The following DRC7 variants were observed in gnomAD, a reference collection of about 807,000 sequenced individuals.
DRC7 encodes dynein regulatory complex subunit 7.
Under a neutral mutation model 104.4 loss-of-function variants are expected in DRC7, and 80 were observed. The ratio of observed to expected loss-of-function variants is 0.77; its 90% confidence interval spans 0.64 to 0.92. DRC7 has a LOEUF of 0.92. Among genes scored for constraint, DRC7 ranks in the 40% least tolerant of loss-of-function variants. DRC7 has a pLI of 0.00. For synonymous variants in DRC7, 405 were observed against 447.3 expected, an observed-to-expected ratio of 0.91 and a Z score of 1.19; for missense variants, 1,034 against 1,141.1, an observed-to-expected ratio of 0.91 and a Z score of 1.35.
At chr16:57,721,516 T>A (rs2048902094) in intron 9 of DRC7, 151 bp from the exon 10 acceptor site, 1 of 629,132 alleles carries the variant, frequency 1.6e-6, no homozygotes, top group Admixed American at 2.8e-5. Context: ...CTTTTCCACA[T>A]CATGGGTCGT....
chr16:57,698,299 G>A, intron 3 of DRC7, 147 bp downstream of exon 3: 5 of 1,304,238 alleles, frequency 3.8e-6, no homozygotes, highest in Middle Eastern at 2.7e-4. Flanking sequence ...CTTTCAAATG[G>A]CCTGGGCCGA....
chr16:57,728,603 T>C lies in DRC7; in HGVS notation c.2391+19T>C, dbSNP rs2049001883. The C allele has an allele frequency of 5.8e-6, 9 of 1,552,130 alleles. No homozygotes were observed. The East Asian group carries it at 1.2e-4, about 20-fold the overall frequency. ...TGAGAAGGTGCCACCAGGGCCTTTG[T>C]TGGGGAGGGGGGGATCTCAGCATCT... On this transcript the variant is annotated intron_variant, in intron 17 of 18. Coordinates refer to ENST00000360716, the MANE Select transcript of DRC7 (RefSeq NM_001289162.2).
In DRC7 at chr16:57,727,168, T is replaced by C. The variant is rs116383752; in HGVS notation, c.2086-131T>C. On this transcript the variant is annotated intron_variant, in intron 15 of 18. Transcript: ENST00000360716. Reference sequence around the variant, plus strand: ...TTTGTTTTTTAACAGATGGGGTTTTTCCATTTTGCCCAGGCTGGTCTCAAA... The same window carrying C: ...TTTGTTTTTTAACAGATGGGGTTTTCCCATTTTGCCCAGGCTGGTCTCAAA... 1,801 of 769,104 alleles carry C rather than the reference T, an allele frequency of 2.3e-3. 19 individuals carry two copies. The African/African-American group carries it at 0.028, about 12-fold the overall frequency. 47.6% of individuals were successfully genotyped at this position (769,104 alleles called of 1,614,324 possible).
intron 8 of DRC7, among the ~76,000 whole-genome samples, chr16:57,710,566 C>A (rs1423539354): frequency 6.6e-6 from 1 of 152,162 alleles, no homozygotes; most frequent in African/African-American, 2.4e-5. Context: ...CCTGTTTATT[C>A]CTGATCTTAC....
chr16:57,697,399 G>A (rs1405867681), intron 2 of DRC7, among the ~76,000 whole-genome samples: 3 of 150,970 alleles, frequency 2.0e-5, no homozygotes, highest in African/African-American at 7.3e-5. Context: ...GCCAGACCCT[G>A]TCTCTACCAA....
intron 8 of DRC7, chr16:57,714,456 AT>A (rs2048820303): frequency 1.9e-5 from 3 of 156,964 alleles, no homozygotes; most frequent in Admixed American, 6.5e-5. Flanking sequence ...CCTCGTCTCT[AT>A]AAAAAAAAAT....
intron 9 of DRC7, among the ~76,000 whole-genome samples, chr16:57,719,658 C>T (rs1451846904): frequency 6.6e-6 from 1 of 152,098 alleles, no homozygotes; most frequent in African/African-American, 2.4e-5. Flanking sequence ...TACAGACACA[C>T]ACCACCATAC....
At chr16:57,725,690 C>A (rs1567887282) in intron 13 of DRC7, 1 of 208,598 alleles carries the variant, frequency 4.8e-6, no homozygotes, top group African/African-American at 2.3e-5. Context: ...TGTGCATTTT[C>A]CCCTTCATGT....
rs1351855550 is a variant in DRC7, at chr16:57,721,700, C to A, written c.1240C>A (p.Pro414Thr). 2 of 1,613,878 alleles carry A rather than the reference C, an allele frequency of 1.2e-6. No individual in the cohort carries two copies. The highest frequency in any genetic ancestry group is 1.7e-5 in the Admixed American group (1 of 60,010). Residue 414 changes from proline to threonine, a missense_variant, in exon 10 of 19, where the codon CCC becomes ACC. By Grantham distance (38) the Pro-to-Thr change is conservative. Coordinates refer to ENST00000360716, the MANE Select transcript of DRC7 (RefSeq NM_001289162.2). ...KEDEDKSFDM[P>T]HSWVEQIEIS... is the part of the protein sequence containing the mutation. Reference sequence around the variant, plus strand: ...GGATGAGGATAAGAGCTTCGACATGCCCCACTCGTGGGTGGAGCAGATTGA... The same window carrying A: ...GGATGAGGATAAGAGCTTCGACATGACCCACTCGTGGGTGGAGCAGATTGA...
intron 3 of DRC7, 51 bp from the exon 4 acceptor site, chr16:57,698,799 C>T: frequency 6.3e-7 from 1 of 1,578,198 alleles, no homozygotes; most frequent in Non-Finnish European, 8.7e-7. Flanking sequence ...GGAACCAGGG[C>T]TCCTGTGTGC....
chr16:57,728,273 A>T, intron 16 of DRC7, 117 bp from the exon 17 acceptor site: 1 of 953,458 alleles, frequency 1.0e-6, no homozygotes, highest in Non-Finnish European at 1.5e-6. Context: ...TGGAGGCGCC[A>T]TGCACTGGAA....
chr16:57,731,417 C>T lies in DRC7; in HGVS notation c.*159C>T, dbSNP rs2049060989. ...TACAGCCCTGTTTGTTCCTGCTTCT[C>T]ATGATTTTCCTGTAAATAAACACAC... is the stretch of plus-strand genomic sequence containing the variant. On this transcript the variant is annotated 3_prime_UTR_variant, in exon 19 of 19. Coordinates refer to ENST00000360716, the MANE Select transcript of DRC7 (RefSeq NM_001289162.2). The T allele has an allele frequency of 6.6e-6, 4 of 609,746 alleles. No homozygotes were observed. Among genetic ancestry groups the T allele is most frequent in the Non-Finnish European group, 1.2e-5 (4 of 344,230 alleles). 37.8% of individuals were successfully genotyped at this position (609,746 alleles called of 1,614,324 possible). A position where few individuals can be genotyped will look rare whatever the true frequency, so the allele number is the denominator to read the frequency against.
intron 17 of DRC7, among the ~76,000 whole-genome samples, chr16:57,728,822 G>GT (rs1555575943): frequency 9.4e-6 from 1 of 105,968 alleles, no homozygotes; most frequent in Non-Finnish European, 1.9e-5. Flanking sequence ...GGGTGGGTGG[G>GT]TGGATGGATG....
At chr16:57,698,796 G>A in intron 3 of DRC7, 54 bp from the exon 4 acceptor site, 1 of 1,572,530 alleles carries the variant, frequency 6.4e-7, no homozygotes, top group South Asian at 1.2e-5. Context: ...AGTGGAACCA[G>A]GGCTCCTGTG....
intron 17 of DRC7, 58 bp from the exon 18 acceptor site, chr16:57,730,873 A>AGCCTGCC: frequency 6.3e-7 from 1 of 1,588,788 alleles, no homozygotes; most frequent in Non-Finnish European, 8.6e-7. Context: ...TGCAGCCTGC[A>AGCCTGCC]GCCTGGGTGA....
chr16:57,697,582 A>T (rs1325092116), intron 2 of DRC7, among the ~76,000 whole-genome samples: 6 of 152,108 alleles, frequency 3.9e-5, no homozygotes, highest in African/African-American at 1.4e-4. Flanking sequence ...AAAATAAAAA[A>T]TTTAAAAAAA....
chr16:57,702,735 A>G (rs1196102398), intron 6 of DRC7, among the ~76,000 whole-genome samples: 2 of 152,148 alleles, frequency 1.3e-5, no homozygotes, highest in Non-Finnish European at 2.9e-5. Context: ...CCGGGAGGCA[A>G]AGGCTGCAGT....
At chr16:57,723,281 A>C (rs1293006018) in intron 12 of DRC7, 151 bp downstream of exon 12, 3 of 860,080 alleles carry the variant, frequency 3.5e-6, no homozygotes, top group Non-Finnish European at 5.3e-6. Context: ...TGCCTCCCTC[A>C]GCAAACCCGA....
chr16:57,696,107 A>C (rs1172472931), intron 1 of DRC7, among the ~76,000 whole-genome samples: 1 of 152,184 alleles, frequency 6.6e-6, no homozygotes, highest in Non-Finnish European at 1.5e-5. Context: ...CATTTGCCGT[A>C]AGGAAAACAG....
Sources: gnomAD v4.1 joint callset for allele counts (sites outside exome capture counted in the v4.1 genomes callset) on GRCh38, gnomAD v4.1.1 for gene constraint, MANE v1.5 for transcripts, NCBI Gene and HGNC (gene_info 2026-07-23, HGNC 2026-07-21) for gene names.